Variants in ASIC2 observed in about 807,000 individuals in gnomAD.
ASIC2 encodes the protein acid sensing ion channel subunit 2.
Under a neutral mutation model 57.3 loss-of-function variants are expected in ASIC2, and 25 were observed. That is an observed-to-expected ratio of 0.44 (90% CI 0.32 to 0.61). ASIC2 has a LOEUF of 0.61. ASIC2 is among the 20% of genes least tolerant of loss of function. ASIC2 has a pLI of 0.06. For missense variants in ASIC2, 641 were observed against 738.1 expected, an observed-to-expected ratio of 0.87 and a Z score of 1.52; for synonymous variants, 319 against 307.5, an observed-to-expected ratio of 1.04 and a Z score of -0.39.
chr17:33,177,379 T>C (rs981865856), intron 1 of ASIC2, among the ~76,000 whole-genome samples: 2 of 152,156 alleles, frequency 1.3e-5, no homozygotes, highest in African/African-American at 2.4e-5. Context: ...AAAGAAGAAG[T>C]ATGATGCTGA....
chr17:33,856,618 G>A (rs1913962930), intron 1 of ASIC2, among the ~76,000 whole-genome samples: 1 of 151,922 alleles, frequency 6.6e-6, no homozygotes, highest in Non-Finnish European at 1.5e-5. Context: ...GAGGAAGCAG[G>A]AATTGTTTCT....
At chr17:34,098,841 G>A (rs527379619) in intron 1 of ASIC2, among the ~76,000 whole-genome samples, 1 of 152,030 alleles carries the variant, frequency 6.6e-6, no homozygotes, top group Non-Finnish European at 1.5e-5. Context: ...GGGAATGCAC[G>A]GTTGGGTAAG....
intron 1 of ASIC2, among the ~76,000 whole-genome samples, chr17:33,317,739 A>G (rs1172365544): frequency 6.6e-6 from 1 of 152,204 alleles, no homozygotes; most frequent in Non-Finnish European, 1.5e-5. Flanking sequence ...CAAGAATCCC[A>G]TAAAAGAAGG....
intron 1 of ASIC2, among the ~76,000 whole-genome samples, chr17:33,268,466 G>A (rs1021771911): frequency 3.3e-5 from 5 of 152,004 alleles, no homozygotes; most frequent in African/African-American, 7.3e-5. Context: ...GGAGCAGTAG[G>A]AAATAAGTAA....
intron 1 of ASIC2, among the ~76,000 whole-genome samples, chr17:34,072,955 G>A (rs886359): frequency 0.49 from 74,317 of 151,996 alleles, 21,487 homozygotes; most frequent in Non-Finnish European, 0.64. Context: ...AGAGGTCAGC[G>A]TAGACACATA....
At chr17:33,985,120 C>T (rs1417115607) in intron 1 of ASIC2, among the ~76,000 whole-genome samples, 1 of 152,138 alleles carries the variant, frequency 6.6e-6, no homozygotes, top group East Asian at 1.9e-4. Flanking sequence ...TAATTGAAGC[C>T]TCAAGCCATG....
intron 3 of ASIC2, among the ~76,000 whole-genome samples, chr17:33,067,885 T>G (rs992650523): frequency 6.6e-6 from 1 of 152,192 alleles, no homozygotes; most frequent in Non-Finnish European, 1.5e-5. Flanking sequence ...TAATGCATCA[T>G]CAACCTTTTC....
intron 1 of ASIC2, among the ~76,000 whole-genome samples, chr17:33,760,593 G>T (rs1293269435): frequency 6.7e-6 from 1 of 149,234 alleles, no homozygotes; most frequent in Non-Finnish European, 1.5e-5. Context: ...TATAAAGCAG[G>T]ATATATGCAA....
At chr17:33,356,379 A>C (rs1422994736) in intron 1 of ASIC2, among the ~76,000 whole-genome samples, 1 of 152,180 alleles carries the variant, frequency 6.6e-6, no homozygotes, top group African/African-American at 2.4e-5. Flanking sequence ...CTTCAGATCT[A>C]TGTCCCAGGG....
chr17:33,703,515 A>T (rs1029344975), intron 1 of ASIC2, among the ~76,000 whole-genome samples: 1 of 151,692 alleles, frequency 6.6e-6, no homozygotes, highest in Non-Finnish European at 1.5e-5. Context: ...ACCATGCCCG[A>T]CTAATTTCTG....
At chr17:33,493,384 C>G (rs1054426974) in intron 1 of ASIC2, among the ~76,000 whole-genome samples, 4 of 152,190 alleles carry the variant, frequency 2.6e-5, no homozygotes, top group East Asian at 1.9e-4. Flanking sequence ...TACGCTTCAC[C>G]CAGTTTCCCC....
chr17:33,169,599 C>T (rs1243111593), intron 1 of ASIC2, among the ~76,000 whole-genome samples: 2 of 152,232 alleles, frequency 1.3e-5, no homozygotes, highest in African/African-American at 4.8e-5. Context: ...GAACTCAAGT[C>T]TATTTGCTTT....
chr17:33,893,942 A>G (rs1368132691), intron 1 of ASIC2, among the ~76,000 whole-genome samples: 2 of 152,186 alleles, frequency 1.3e-5, no homozygotes, highest in Non-Finnish European at 2.9e-5. Flanking sequence ...CCAAAGCCTC[A>G]CCTCAGTCAA....
intron 1 of ASIC2, among the ~76,000 whole-genome samples, chr17:33,685,009 T>C (rs1908136441): frequency 6.6e-6 from 1 of 152,174 alleles, no homozygotes; most frequent in South Asian, 2.1e-4. Flanking sequence ...CTGGATTGTC[T>C]TCCCCCTCCA....
intron 1 of ASIC2, among the ~76,000 whole-genome samples, chr17:33,527,806 G>A (rs193099833): frequency 2.0e-5 from 3 of 152,178 alleles, no homozygotes; most frequent in Admixed American, 1.3e-4. Flanking sequence ...GGGGGTCATG[G>A]AGCCTGGTTC....
intron 2 of ASIC2, among the ~76,000 whole-genome samples, chr17:33,091,089 G>C (rs558315536): frequency 1.3e-5 from 2 of 152,346 alleles, no homozygotes; most frequent in South Asian, 4.1e-4. Flanking sequence ...TTCCTCAAGA[G>C]AGACCATATT....
intron 1 of ASIC2, among the ~76,000 whole-genome samples, chr17:33,658,533 G>A (rs557495123): frequency 6.6e-6 from 1 of 152,196 alleles, no homozygotes; most frequent in Non-Finnish European, 1.5e-5. Flanking sequence ...CAGTTCTACA[G>A]GCTGGAAAGT....
intron 1 of ASIC2, among the ~76,000 whole-genome samples, chr17:33,166,357 T>TG (rs1028579549): frequency 3.3e-5 from 5 of 152,166 alleles, no homozygotes; most frequent in Non-Finnish European, 7.4e-5. Context: ...AGCTCATTGT[T>TG]GGGGGGAGAA....
chr17:33,160,577 C>A (rs1047609252), intron 1 of ASIC2, among the ~76,000 whole-genome samples: 4 of 152,228 alleles, frequency 2.6e-5, no homozygotes, highest in Admixed American at 6.5e-5. Context: ...TGTCTTTGTT[C>A]TGCATGGGCA....
Sources: allele counts gnomAD v4.1 joint callset (sites outside exome capture counted in the v4.1 genomes callset), GRCh38; gene constraint gnomAD v4.1.1; transcripts MANE v1.5; gene names NCBI Gene and HGNC (gene_info 2026-07-23, HGNC 2026-07-21).